Variants in CLSTN2 observed in about 807,000 individuals in gnomAD.
The protein encoded by CLSTN2 is calsyntenin-2.
CLSTN2 carries 48 observed loss-of-function variants against 101.2 expected under a neutral mutation model. The observed-to-expected ratio is 0.47, with a 90% confidence interval of 0.38 to 0.60. CLSTN2 has a LOEUF of 0.60. Ranked by LOEUF, CLSTN2 falls within the 20% of genes least tolerant of loss-of-function variation. The probability of loss-of-function intolerance (pLI) is 0.00; values close to 1 mark genes in which losing one functional copy is unlikely to be tolerated. For synonymous variants in CLSTN2, 481 were observed against 463.6 expected, an observed-to-expected ratio of 1.04 and a Z score of -0.48; for missense variants, 1,160 against 1,238.2, an observed-to-expected ratio of 0.94 and a Z score of 0.95.
At chr3:140,545,446 C>A (rs1935567015) in intron 9 of CLSTN2, among the ~76,000 whole-genome samples, 2 of 152,252 alleles carry the variant, frequency 1.3e-5, no homozygotes, top group African/African-American at 4.8e-5. Context: ...GCCCTAGGAG[C>A]AAACAGAGGC....
intron 1 of CLSTN2, among the ~76,000 whole-genome samples, chr3:140,049,628 C>G (rs887436582): frequency 3.9e-5 from 6 of 152,170 alleles, no homozygotes; most frequent in Admixed American, 3.3e-4. Flanking sequence ...GGGCCATGAT[C>G]TGTCTGGCTC....
At chr3:140,271,265 A>C (rs2086739050) in intron 2 of CLSTN2, among the ~76,000 whole-genome samples, 1 of 152,152 alleles carries the variant, frequency 6.6e-6, no homozygotes, top group Non-Finnish European at 1.5e-5. Flanking sequence ...CTCGTGTTCA[A>C]GCAGGAAAGG....
chr3:140,192,728 G>T (rs1381038011), intron 2 of CLSTN2, among the ~76,000 whole-genome samples: 1 of 151,746 alleles, frequency 6.6e-6, no homozygotes, highest in East Asian at 1.9e-4. Flanking sequence ...CAGCATGTTG[G>T]GTCATGTTTT....
chr3:140,486,275 A>AG (rs1934240517), intron 8 of CLSTN2, among the ~76,000 whole-genome samples: 1 of 113,454 alleles, frequency 8.8e-6, no homozygotes, highest in Admixed American at 9.5e-5. Flanking sequence ...TTCATAGGAA[A>AG]GAAAGAGCAT....
chr3:140,330,999 G>A (rs2087378465), intron 2 of CLSTN2, among the ~76,000 whole-genome samples: 1 of 152,174 alleles, frequency 6.6e-6, no homozygotes, highest in African/African-American at 2.4e-5. Flanking sequence ...ACGAGTATAA[G>A]ACAAAGTCCC....
chr3:140,224,424 T>C (rs571082940), intron 2 of CLSTN2, among the ~76,000 whole-genome samples: 3 of 152,330 alleles, frequency 2.0e-5, no homozygotes, highest in African/African-American at 7.2e-5. Flanking sequence ...GTAGTTAATA[T>C]GAGCAGGGAC....
chr3:140,304,175 G>A lies in CLSTN2; in HGVS notation c.233-99454G>A, dbSNP rs76335133. Reference sequence around the variant, plus strand: ...GAAACTTCATTTCTTTGAATTTTCCGATAACTGTGGCTAACCTAAAACTCC... The same window carrying A: ...GAAACTTCATTTCTTTGAATTTTCCAATAACTGTGGCTAACCTAAAACTCC... On this transcript the variant is annotated intron_variant, in intron 2 of 16. Coordinates refer to ENST00000458420, the MANE Select transcript of CLSTN2 (RefSeq NM_022131.3). Among the ~76,000 whole-genome samples, 11 of 152,178 alleles carry A rather than the reference G, an allele frequency of 7.2e-5. No homozygotes were observed. The East Asian group carries it at 1.9e-3, about 27-fold the overall frequency.
At chr3:140,007,382 G>T (rs2006980391) in intron 1 of CLSTN2, among the ~76,000 whole-genome samples, 1 of 152,228 alleles carries the variant, frequency 6.6e-6, no homozygotes, top group South Asian at 2.1e-4. Flanking sequence ...AGCTGGTGTG[G>T]TTAGCACAGG....
intron 1 of CLSTN2, among the ~76,000 whole-genome samples, chr3:140,161,239 A>G (rs1016185730): frequency 2.6e-5 from 4 of 152,178 alleles, no homozygotes; most frequent in Admixed American, 6.5e-5. Flanking sequence ...TTGAGACACA[A>G]TAGTTGCCTC....
At chr3:140,464,389 A>T (rs1235840655) in intron 7 of CLSTN2, among the ~76,000 whole-genome samples, 1 of 152,258 alleles carries the variant, frequency 6.6e-6, no homozygotes, top group African/African-American at 2.4e-5. Context: ...GAAAGTGAGC[A>T]GAAGGCTTTA....
At chr3:140,533,025 C>T (rs1935290642) in intron 9 of CLSTN2, among the ~76,000 whole-genome samples, 1 of 152,236 alleles carries the variant, frequency 6.6e-6, no homozygotes, top group Non-Finnish European at 1.5e-5. Flanking sequence ...CCCTCAGTGC[C>T]TTCCCTGGCA....
chr3:140,249,751 C>A (rs2086546197), intron 2 of CLSTN2, among the ~76,000 whole-genome samples: 1 of 152,172 alleles, frequency 6.6e-6, no homozygotes, highest in South Asian at 2.1e-4. Context: ...TAGCTATCGG[C>A]ATTTCACCTA....
chr3:140,127,433 G>C (rs1466252639), intron 1 of CLSTN2, among the ~76,000 whole-genome samples: 1 of 152,166 alleles, frequency 6.6e-6, no homozygotes, highest in Middle Eastern at 3.2e-3. Context: ...GTTTAACTAT[G>C]ATTACTAATA....
chr3:140,082,135 G>T (rs1045294758), intron 1 of CLSTN2, among the ~76,000 whole-genome samples: 1 of 152,174 alleles, frequency 6.6e-6, no homozygotes, highest in Non-Finnish European at 1.5e-5. Context: ...TGGGAGGCAA[G>T]ACTACTGTCA....
chr3:140,075,382 T>A (rs2008469929), intron 1 of CLSTN2, among the ~76,000 whole-genome samples: 1 of 152,168 alleles, frequency 6.6e-6, no homozygotes, highest in Admixed American at 6.5e-5. Flanking sequence ...CTCGAAATAG[T>A]TTCCTGTTTG....
At chr3:140,057,121 C>T (rs1176561541) in intron 1 of CLSTN2, among the ~76,000 whole-genome samples, 1 of 152,230 alleles carries the variant, frequency 6.6e-6, no homozygotes, top group Non-Finnish European at 1.5e-5. Context: ...TCATTATGCC[C>T]ATGCACAGAT....
intron 1 of CLSTN2, among the ~76,000 whole-genome samples, chr3:139,970,089 T>C (rs142556624): frequency 9.1e-4 from 139 of 152,294 alleles, no homozygotes; most frequent in African/African-American, 3.2e-3. Flanking sequence ...TGGAGGGTAA[T>C]ACAAAGTAGT....
chr3:140,333,800 T>A (rs2087412796), intron 2 of CLSTN2, among the ~76,000 whole-genome samples: 1 of 151,942 alleles, frequency 6.6e-6, no homozygotes, highest in Admixed American at 6.6e-5. Flanking sequence ...TAAAATAGGT[T>A]GGTGAGTTAA....
intron 1 of CLSTN2, among the ~76,000 whole-genome samples, chr3:139,979,873 C>T (rs1451123179): frequency 2.6e-5 from 4 of 152,054 alleles, no homozygotes; most frequent in Non-Finnish European, 4.4e-5. Context: ...TCTTCCCCCT[C>T]GCCTAGTGTT....
Sources: allele counts gnomAD v4.1 joint callset (sites outside exome capture counted in the v4.1 genomes callset), GRCh38; gene constraint gnomAD v4.1.1; transcripts MANE v1.5; gene names NCBI Gene and HGNC (gene_info 2026-07-23, HGNC 2026-07-21).